The following NTRK1 variants were observed in gnomAD, a reference collection of about 807,000 sequenced individuals.
The protein encoded by NTRK1 is high affinity nerve growth factor receptor.
NTRK1 carries 62 observed loss-of-function variants against 86.8 expected under a neutral mutation model. The ratio of observed to expected loss-of-function variants is 0.71; its 90% CI spans 0.58 to 0.88. The LOEUF (loss-of-function observed/expected upper bound fraction) is 0.88, where lower values mean the gene tolerates loss of function less well. NTRK1 is among the 40% of genes least tolerant of loss of function. NTRK1 has a pLI of 0.00. For synonymous variants in NTRK1, 469 were observed against 456.6 expected, an observed-to-expected ratio of 1.03 and a Z score of -0.35; for missense variants, 967 against 1,078.4, an observed-to-expected ratio of 0.90 and a Z score of 1.45.
rs143312136 is a variant in NTRK1, at chr1:156,868,489, C to T, written c.575-16C>T. 414 of 1,554,458 alleles carry T rather than the reference C, an allele frequency of 2.7e-4. No homozygotes were observed. Among genetic ancestry groups the T allele is most frequent in the East Asian group, 6.5e-4 (27 of 41,278 alleles). ...GCTCTAACACCCCTTGGCCCTCGGG[C>T]GTCCTGGGTGGCCAGGTGTGCCCAC... On this transcript the variant is annotated splice_polypyrimidine_tract_variant and intron_variant, in intron 5 of 16. Transcript: ENST00000524377.
At chr1:156,836,704 A>T (rs1239501676) in intron 1 of NTRK1, among the ~76,000 whole-genome samples, 1 of 151,986 alleles carries the variant, frequency 6.6e-6, no homozygotes, top group African/African-American at 2.4e-5. Flanking sequence ...GGGGAGGCCA[A>T]ACCATTCAGA....
chr1:156,832,727 T>C (rs559873154), intron 1 of NTRK1, among the ~76,000 whole-genome samples: 30 of 152,274 alleles, frequency 2.0e-4, no homozygotes, highest in African/African-American at 6.5e-4. Flanking sequence ...TGGGGAGCCA[T>C]TGAAGGATTT....
At chr1:156,820,763 A>G (rs1654165898) in intron 1 of NTRK1, among the ~76,000 whole-genome samples, 1 of 152,128 alleles carries the variant, frequency 6.6e-6, no homozygotes, top group Non-Finnish European at 1.5e-5. Flanking sequence ...CTTTGGCTAT[A>G]TGGGCTCTTT....
chr1:156,857,142 G>A (rs1233204576), upstream of NTRK1, among the ~76,000 whole-genome samples: 1 of 150,548 alleles, frequency 6.6e-6, no homozygotes, highest in African/African-American at 2.5e-5. Context: ...TCCTGAGCTT[G>A]GCTCTGCCCA....
At chr1:156,874,683 C>T (rs2102910652) in intron 10 of NTRK1, 57 bp downstream of exon 10, 3 of 1,532,378 alleles carry the variant, frequency 2.0e-6, no homozygotes, top group Non-Finnish European at 2.7e-6. Context: ...TGGGTAGAGG[C>T]TCATCTGCAT....
In NTRK1 at chr1:156,854,527, C is replaced by G. The variant is rs1387754678; in HGVS notation, c.51-9827C>G. Among the ~76,000 whole-genome samples the G allele has an allele frequency of 6.6e-6, 1 of 152,140 alleles. No individual in the cohort carries two copies. On this transcript the variant is annotated intron_variant, in intron 2 of 16. Transcript: ENST00000392302. The surrounding 1 kb of genome is among the most constrained non-coding windows in gnomAD (Gnocchi z 4.2). ...ACACAGGCAAAAATGAACTCCTGATCCTCTCTCCCAAGCCCATCTCCCCTT... is the reference window on the plus strand; with the variant it reads ...ACACAGGCAAAAATGAACTCCTGATGCTCTCTCCCAAGCCCATCTCCCCTT...
In NTRK1 at chr1:156,873,628, C is replaced by T. The variant is rs2102904651; in HGVS notation, c.851-5C>T. ...CCTCCTGCTGTTGCTCTTTCTGGCCCACAGTCCCGGCCAGTGTGCAGCTGC... is the reference window on the plus strand; with the variant it reads ...CCTCCTGCTGTTGCTCTTTCTGGCCTACAGTCCCGGCCAGTGTGCAGCTGC... On this transcript the variant is annotated splice_polypyrimidine_tract_variant and splice_region_variant and intron_variant, in intron 7 of 16. Coordinates refer to ENST00000524377, the MANE Select transcript of NTRK1 (RefSeq NM_002529.4). 1 of 1,610,088 alleles carries T rather than the reference C, an allele frequency of 6.2e-7. No individual in the cohort carries two copies.
At chr1:156,858,673 G>A (rs1288497758), upstream of NTRK1, 1 of 1,507,782 alleles carries the variant, frequency 6.6e-7, no homozygotes, top group Non-Finnish European at 9.2e-7. Context: ...GGTGACTCTG[G>A]GGAGAACGGT....
Position 156,864,340 on chromosome 1 carries a change from C to A in NTRK1, c.213-14C>A. 6.2e-7 allele frequency: 1 copy of A among 1,614,012 alleles called. No individual in the cohort carries two copies. The highest frequency in any genetic ancestry group is 1.3e-5 in the African/African-American group (1 of 75,048). ...GGGCCTGAGCCCTGTGACTCCCATC[C>A]GCTCTCCCCACAGCTACATCGAGAA... On this transcript the variant is annotated splice_polypyrimidine_tract_variant and intron_variant, in intron 1 of 16. Coordinates refer to ENST00000524377, the MANE Select transcript of NTRK1 (RefSeq NM_002529.4).
At chr1:156,869,018 C>CCCTTCCTTCCTGCCTTCCTT (rs1647376392) in intron 6 of NTRK1, among the ~76,000 whole-genome samples, 6 of 43,532 alleles carry the variant, frequency 1.4e-4, no homozygotes, top group Non-Finnish European at 1.0e-4. Context: ...TTTTCTCTCT[C>CCCTTCCTTCCTGCCTTCCTT]CCTTCCTTCC....
Position 156,876,510 on chromosome 1 carries a change from G to A in NTRK1, c.1743G>A (p.Glu581=), listed in dbSNP as rs138423540. ...HIVRFFGVCT[E]GRPLLMVFEY... ...TGCGCTTCTTCGGCGTCTGCACCGAGGGCCGCCCCCTGCTCATGGTCTTTG... is the reference window on the plus strand; with the variant it reads ...TGCGCTTCTTCGGCGTCTGCACCGAAGGCCGCCCCCTGCTCATGGTCTTTG... The change falls in exon 14 of 17, where the codon GAG becomes GAA. Residue 581 remains glutamate, a synonymous_variant. Transcript: ENST00000524377. 1.2e-6 allele frequency: 2 copies of A among 1,613,700 alleles called. No homozygotes were observed. Among genetic ancestry groups the A allele is most frequent in the Non-Finnish European group, 1.7e-6 (2 of 1,180,016 alleles).
chr1:156,851,659 G>A (rs1655213720), intron 2 of NTRK1: 4 of 1,614,080 alleles, frequency 2.5e-6, no homozygotes, highest in South Asian at 2.2e-5. Flanking sequence ...CCTGGCGAAG[G>A]TTGAGGATGA....
chr1:156,860,057 G>A (rs1407666354), upstream of NTRK1, among the ~76,000 whole-genome samples: 1 of 152,228 alleles, frequency 6.6e-6, no homozygotes, highest in Non-Finnish European at 1.5e-5. Flanking sequence ...ATTTCTTCAC[G>A]AATAAATCGA....
upstream of NTRK1, among the ~76,000 whole-genome samples, chr1:156,858,080 C>T (rs77077451): frequency 1.1e-4 from 16 of 152,308 alleles, no homozygotes; most frequent in East Asian, 2.3e-3. Flanking sequence ...GAGGCAGGAG[C>T]TCAGGACCCA....
intron 1 of NTRK1, among the ~76,000 whole-genome samples, chr1:156,821,477 G>GTA (rs1408328632): frequency 2.0e-5 from 3 of 151,574 alleles, no homozygotes; most frequent in African/African-American, 7.3e-5. Flanking sequence ...GTGTGTGTGT[G>GTA]TGTGTGTGTG....
intron 1 of NTRK1, among the ~76,000 whole-genome samples, chr1:156,824,375 C>T (rs1654268332): frequency 6.6e-6 from 1 of 152,148 alleles, no homozygotes; most frequent in Admixed American, 6.5e-5. Context: ...GGACCCTCTA[C>T]CCACCCCTGC....
chr1:156,864,897 G>A (rs1655856137), intron 3 of NTRK1, 98 bp downstream of exon 3: 1 of 1,237,302 alleles, frequency 8.1e-7, no homozygotes, highest in African/African-American at 1.5e-5. Flanking sequence ...TTGCGAGGAG[G>A]GCCCAAGCCT....
At chr1:156,820,227 G>A (rs796100132) in intron 1 of NTRK1, among the ~76,000 whole-genome samples, 12 of 152,206 alleles carry the variant, frequency 7.9e-5, no homozygotes, top group African/African-American at 2.9e-4. Flanking sequence ...TTATTGAATA[G>A]GGTGTCCTTC....
At chr1:156,850,502 C>A (rs12120840) in intron 2 of NTRK1, among the ~76,000 whole-genome samples, 9,353 of 149,682 alleles carry the variant, frequency 0.062, 352 homozygotes, top group African/African-American at 0.088. Flanking sequence ...CAGGAGCCAC[C>A]GTGCCCGACC....
Sources: allele counts gnomAD v4.1 joint callset (sites outside exome capture counted in the v4.1 genomes callset), GRCh38; gene constraint gnomAD v4.1.1; non-coding constraint Gnocchi (gnomAD v3.1); transcripts MANE v1.5; gene names NCBI Gene and HGNC (gene_info 2026-07-23, HGNC 2026-07-21).